Variants in SP140L observed in about 807,000 individuals in gnomAD.
The protein encoded by SP140L is nuclear body protein SP140-like protein.
A neutral mutation model predicts 84.3 loss-of-function variants in SP140L; 64 were observed. That is an observed-to-expected ratio of 0.76 (90% CI 0.62 to 0.94). The LOEUF (loss-of-function observed/expected upper bound fraction) is 0.94, where lower values mean the gene tolerates loss of function less well. SP140L is among the 40% of genes least tolerant of loss of function. The pLI is 0.00. For missense variants in SP140L, 628 were observed against 692.5 expected (o/e 0.91, Z 1.05); for synonymous variants, 242 against 236.9 (o/e 1.02, Z -0.20).
chr2:230,332,177 T>A (rs1559399785), intron 2 of SP140L, among the ~76,000 whole-genome samples: 2 of 152,244 alleles, frequency 1.3e-5, no homozygotes, highest in South Asian at 4.1e-4. Flanking sequence ...TTTATCAAAA[T>A]GTTTGCTAAA....
At chr2:230,387,298 A>T (rs1330063698) in intron 9 of SP140L, among the ~76,000 whole-genome samples, 5 of 152,218 alleles carry the variant, frequency 3.3e-5, no homozygotes, top group Non-Finnish European at 7.3e-5. Flanking sequence ...AGTGCCTGTT[A>T]TCTTGGTTAA....
rs746048347 is a variant in SP140L, at chr2:230,385,297, G to A, written c.777G>A (p.Lys259=). 1.1e-5 allele frequency: 18 copies of A among 1,613,488 alleles called. No individual in the cohort carries two copies. The highest frequency in any genetic ancestry group is 1.5e-5 in the Non-Finnish European group (18 of 1,179,674). The part of the protein sequence containing the change: ...KANMNLKDLS[K]IRGRKRGKPG... ...ACATGAATCTGAAAGACCTTTCCAA[G>A]ATTAGGGGTAAGATAAAGTTGGTAC... The change falls in exon 9 of 19, where the codon AAG becomes AAA. Residue 259 remains lysine, a synonymous_variant. Transcript: ENST00000415673.
At chr2:230,345,667 C>T (rs1429336957) in intron 2 of SP140L, among the ~76,000 whole-genome samples, 1 of 150,978 alleles carries the variant, frequency 6.6e-6, no homozygotes, top group Non-Finnish European at 1.5e-5. Flanking sequence ...ACTCCTTTCT[C>T]CTTTGTGGTT....
chr2:230,361,058 T>G (rs1440675800), intron 4 of SP140L, among the ~76,000 whole-genome samples: 1 of 152,196 alleles, frequency 6.6e-6, no homozygotes, highest in African/African-American at 2.4e-5. Flanking sequence ...CAAGCAGTTC[T>G]CCCGCTTCAG....
intron 2 of SP140L, among the ~76,000 whole-genome samples, chr2:230,350,703 C>T (rs1047709259): frequency 6.6e-6 from 1 of 150,660 alleles, no homozygotes; most frequent in Non-Finnish European, 1.5e-5. Context: ...TTGACAAGAG[C>T]ATGGAAAAAA....
intron 14 of SP140L, 60 bp downstream of exon 14, chr2:230,396,858 G>A (rs925537678): frequency 1.9e-6 from 3 of 1,596,194 alleles, no homozygotes; most frequent in Non-Finnish European, 2.6e-6. Flanking sequence ...CCAGGCATAT[G>A]TTCTGTGTCA....
intron 2 of SP140L, among the ~76,000 whole-genome samples, chr2:230,347,945 A>T (rs552612201): frequency 5.9e-5 from 9 of 152,320 alleles, no homozygotes; most frequent in Non-Finnish European, 8.8e-5. Flanking sequence ...GGCCACTGTG[A>T]ACCCTGCCCT....
At chr2:230,358,775 G>T (rs1486326221) in intron 3 of SP140L, among the ~76,000 whole-genome samples, 189 bp from the exon 4 acceptor site, 1 of 152,126 alleles carries the variant, frequency 6.6e-6, no homozygotes, top group East Asian at 1.9e-4. Flanking sequence ...TCATCAGTGG[G>T]TATTTTTAAG....
chr2:230,339,002 T>G (rs969059391), intron 2 of SP140L, among the ~76,000 whole-genome samples: 2 of 139,244 alleles, frequency 1.4e-5, no homozygotes, highest in African/African-American at 5.6e-5. Context: ...AGAATGATGC[T>G]GGCCTCATAA....
Position 230,400,497 on chromosome 2 carries a change from G to C in SP140L, c.1313+255G>C. ...GGACCTTTGCCTACATACTGGTATT[G>C]TCCTTTCCTTGAAGTTTTGCAGTAG... On this transcript the variant is annotated intron_variant, in intron 15 of 18. Coordinates refer to ENST00000415673, the MANE Select transcript of SP140L (RefSeq NM_138402.6). The C allele has an allele frequency of 5.9e-6, 3 of 508,140 alleles. No individual in the cohort carries two copies. In the South Asian group the frequency reaches 6.8e-5, roughly 12 times the overall value. 31.5% of individuals were successfully genotyped at this position (508,140 alleles called of 1,614,324 possible).
At chr2:230,332,616 G>A (rs1276033426) in intron 2 of SP140L, among the ~76,000 whole-genome samples, 1 of 152,192 alleles carries the variant, frequency 6.6e-6, no homozygotes, top group Non-Finnish European at 1.5e-5. Flanking sequence ...CATATACTAT[G>A]TGATGATCAC....
chr2:230,333,244 C>T (rs796558768), intron 2 of SP140L, among the ~76,000 whole-genome samples: 9 of 151,832 alleles, frequency 5.9e-5, no homozygotes, highest in African/African-American at 2.2e-4. Context: ...CTGCAACCTC[C>T]ACCTCCCAGG....
intron 1 of SP140L, among the ~76,000 whole-genome samples, chr2:230,328,089 A>C (rs981554434): frequency 6.6e-5 from 10 of 152,074 alleles, no homozygotes. Flanking sequence ...ACAGGGTCTC[A>C]CTCTGTCAAC....
intron 13 of SP140L, among the ~76,000 whole-genome samples, chr2:230,394,602 G>C (rs1470540285): frequency 1.3e-5 from 2 of 152,224 alleles, no homozygotes; most frequent in Non-Finnish European, 2.9e-5. Flanking sequence ...GAGTAACTCA[G>C]CCTGGGTGAC....
At chr2:230,374,147 C>A (rs2061170469) in intron 7 of SP140L, among the ~76,000 whole-genome samples, 1 of 152,118 alleles carries the variant, frequency 6.6e-6, no homozygotes, top group Non-Finnish European at 1.5e-5. Flanking sequence ...GAAACCCTGT[C>A]TCTACTAAAA....
chr2:230,337,677 T>G (rs2059918569), intron 2 of SP140L, among the ~76,000 whole-genome samples: 2 of 152,212 alleles, frequency 1.3e-5, no homozygotes, highest in South Asian at 4.1e-4. Flanking sequence ...TTGTATAAGG[T>G]GTAAAGAAGG....
intron 2 of SP140L, among the ~76,000 whole-genome samples, chr2:230,350,601 T>C (rs2060335224): frequency 6.6e-6 from 1 of 152,224 alleles, no homozygotes; most frequent in Admixed American, 6.5e-5. Context: ...CCACTGCCCT[T>C]ATGGCATACA....
At chr2:230,355,006 C>T (rs2060500943) in intron 2 of SP140L, among the ~76,000 whole-genome samples, 1 of 152,014 alleles carries the variant, frequency 6.6e-6, no homozygotes, top group Admixed American at 6.5e-5. Flanking sequence ...AGACATCACA[C>T]TTAGTGATAT....
At chr2:230,402,458 T>C (rs1214394330) in intron 18 of SP140L, among the ~76,000 whole-genome samples, 2 of 152,252 alleles carry the variant, frequency 1.3e-5, no homozygotes, top group African/African-American at 4.8e-5. Context: ...TCAAGTTTAA[T>C]CTGGTTAATG....
Sources: gnomAD v4.1 joint callset for allele counts (sites outside exome capture counted in the v4.1 genomes callset) on GRCh38, gnomAD v4.1.1 for gene constraint, MANE v1.5 for transcripts, NCBI Gene and HGNC (gene_info 2026-07-23, HGNC 2026-07-21) for gene names.